CDK8: variants seen among roughly 807,000 people sequenced by gnomAD.
The protein encoded by CDK8 is cyclin-dependent kinase 8.
CDK8 carries 29 observed loss-of-function variants against 71.5 expected under a neutral mutation model. The observed-to-expected ratio is 0.41, with a 90% CI of 0.30 to 0.55. The LOEUF (loss-of-function observed/expected upper bound fraction) is 0.55. Among genes scored for constraint, CDK8 ranks in the 20% least tolerant of loss-of-function variants. The pLI, the probability that CDK8 is intolerant of heterozygous loss-of-function variation, is 0.37. For missense variants in CDK8, 288 were observed against 572.6 expected (o/e 0.50, Z 5.07); for synonymous variants, 161 against 192.1 (o/e 0.84, Z 1.34).
chr13:26,254,589 A>AGCC lies in CDK8; in HGVS notation c.-53_-52insGCC. The AGCC allele has an allele frequency of 2.8e-6, 2 of 702,976 alleles. No homozygotes were observed. The highest frequency in any genetic ancestry group is 4.4e-6 in the Non-Finnish European group (2 of 455,004). 43.5% of individuals were successfully genotyped at this position (702,976 alleles called of 1,614,324 possible). A position where few individuals can be genotyped will look rare whatever the true frequency, so the allele number is the denominator to read the frequency against. On this transcript the variant is annotated 5_prime_UTR_variant, in exon 1 of 13. Coordinates refer to ENST00000381527, the MANE Select transcript of CDK8 (RefSeq NM_001260.3). The surrounding 1 kb of genome is among the most constrained non-coding windows in gnomAD (Gnocchi z 6.7). ...GGCTGCCCGTGCTTCCCCGGTCCCC[A>AGCC]CCCCTGCCCCCCGGCCCCCCGACCC...
chr13:26,271,861 T>A (rs1872341396), intron 1 of CDK8, among the ~76,000 whole-genome samples: 1 of 128,014 alleles, frequency 7.8e-6, no homozygotes. Flanking sequence ...GACATAAAAA[T>A]TGGTATACCT....
At chr13:26,369,378 G>A (rs1455638008) in intron 4 of CDK8, among the ~76,000 whole-genome samples, 1 of 149,186 alleles carries the variant, frequency 6.7e-6, no homozygotes, top group Non-Finnish European at 1.5e-5. Flanking sequence ...GATCCCAGGA[G>A]GCTGAAGTTG....
rs1251557319 is a variant in CDK8 at position 26,353,868 on chromosome 13, G to A, written c.444G>A (p.Leu148=). 1 of 1,613,276 alleles carries A rather than the reference G, an allele frequency of 6.2e-7. No individual in the cohort carries two copies. The highest frequency in any genetic ancestry group is 1.1e-5 in the South Asian group (1 of 91,024). The change falls in exon 4 of 13, where the codon TTG becomes TTA. Residue 148 remains leucine (L), a synonymous_variant. Transcript: ENST00000381527. ...GIHYLHANWV[L]HRDLKPANIL... ...ACTACCTGCATGCTAACTGGGTGTT[G>A]CACAGAGATTTGGTAAGTTGACCTG...
At chr13:26,272,908 C>G (rs1197261691) in intron 1 of CDK8, among the ~76,000 whole-genome samples, 3 of 152,168 alleles carry the variant, frequency 2.0e-5, no homozygotes, top group Admixed American at 1.3e-4. Context: ...TGGTGCATGA[C>G]TGTATTTGGC....
chr13:26,293,160 G>A (rs1035182513), intron 1 of CDK8, among the ~76,000 whole-genome samples: 2 of 151,912 alleles, frequency 1.3e-5, no homozygotes, highest in Non-Finnish European at 2.9e-5. Flanking sequence ...TTTCAATTTT[G>A]TCTTTCAAAC....
intron 4 of CDK8, among the ~76,000 whole-genome samples, chr13:26,368,091 T>C (rs562065916): frequency 1.3e-5 from 2 of 152,340 alleles, no homozygotes; most frequent in South Asian, 4.1e-4. Flanking sequence ...TTGCTAGTTG[T>C]AGAGGTTCAC....
chr13:26,259,384 A>G (rs1462836917), intron 1 of CDK8, among the ~76,000 whole-genome samples: 2 of 152,120 alleles, frequency 1.3e-5, no homozygotes, highest in Non-Finnish European at 2.9e-5. Flanking sequence ...ATAGAGTATA[A>G]CAACTGTTTA....
At chr13:26,380,297 A>G (rs1310492564) in intron 4 of CDK8, among the ~76,000 whole-genome samples, 1 of 152,126 alleles carries the variant, frequency 6.6e-6, no homozygotes, top group Admixed American at 6.5e-5. Flanking sequence ...CTCCTGCCTC[A>G]GCCTCCTGAG....
chr13:26,372,545 A>G (rs752128228), intron 4 of CDK8, among the ~76,000 whole-genome samples: 2 of 152,198 alleles, frequency 1.3e-5, no homozygotes, highest in Admixed American at 6.5e-5. Flanking sequence ...GTTCAATTTT[A>G]TTAGTAAAGT....
At chr13:26,333,523 A>G (rs935057179) in intron 1 of CDK8, among the ~76,000 whole-genome samples, 2 of 152,186 alleles carry the variant, frequency 1.3e-5, no homozygotes, top group East Asian at 1.9e-4. Flanking sequence ...AGAGTCATGA[A>G]TGATGGTGAT....
intron 4 of CDK8, chr13:26,358,941 C>G (rs142987694): frequency 1.8e-4 from 35 of 198,770 alleles, no homozygotes; most frequent in African/African-American, 8.1e-4. Flanking sequence ...GTGGGAGGGT[C>G]ACTTGAGTCC....
At chr13:26,285,872 C>CT (rs1332728731) in intron 1 of CDK8, among the ~76,000 whole-genome samples, 1 of 151,988 alleles carries the variant, frequency 6.6e-6, no homozygotes, top group African/African-American at 2.4e-5. Context: ...AAATCAAGGA[C>CT]TAAAACCCCT....
At chr13:26,272,624 T>G (rs1222664535) in intron 1 of CDK8, among the ~76,000 whole-genome samples, 1 of 152,224 alleles carries the variant, frequency 6.6e-6, no homozygotes, top group Non-Finnish European at 1.5e-5. Flanking sequence ...ACACTCTTAA[T>G]GATAAAAACC....
At chr13:26,353,936 T>C in intron 4 of CDK8, 56 bp downstream of exon 4, 2 of 1,500,340 alleles carry the variant, frequency 1.3e-6, no homozygotes, top group East Asian at 2.3e-5. Context: ...TTGGATACTT[T>C]TCTAGTCGTC....
intron 6 of CDK8, among the ~76,000 whole-genome samples, chr13:26,385,938 A>G (rs9553801): frequency 0.41 from 62,799 of 151,918 alleles, 14,756 homozygotes; most frequent in Non-Finnish European, 0.53. Flanking sequence ...TAAAACTACA[A>G]TTTTGAAGTC....
At chr13:26,265,905 A>T (rs1871998125) in intron 1 of CDK8, among the ~76,000 whole-genome samples, 1 of 152,230 alleles carries the variant, frequency 6.6e-6, no homozygotes, top group Admixed American at 6.5e-5. Flanking sequence ...ATTGCTTGGT[A>T]ACACGATCAG....
chr13:26,385,111 C>T (rs1565994941), intron 5 of CDK8, 100 bp from the exon 6 acceptor site: 3 of 960,940 alleles, frequency 3.1e-6, no homozygotes, highest in Non-Finnish European at 4.6e-6. Context: ...TAGAATTGAG[C>T]ACATTTTTCA....
intron 2 of CDK8, among the ~76,000 whole-genome samples, chr13:26,343,507 A>G (rs1873329595): frequency 6.6e-6 from 1 of 152,150 alleles, no homozygotes; most frequent in South Asian, 2.1e-4. Flanking sequence ...TTGTCTATGG[A>G]TTCGCCCCAA....
chr13:26,331,546 C>T (rs955150526), intron 1 of CDK8, among the ~76,000 whole-genome samples: 6 of 152,132 alleles, frequency 3.9e-5, no homozygotes, highest in Admixed American at 3.9e-4. Context: ...CTAGTTTTCC[C>T]AGCATCATTT....
Sources: gnomAD v4.1 joint callset for allele counts (sites outside exome capture counted in the v4.1 genomes callset) on GRCh38, gnomAD v4.1.1 for gene constraint, Gnocchi (gnomAD v3.1) non-coding constraint, MANE v1.5 for transcripts, NCBI Gene and HGNC (gene_info 2026-07-23, HGNC 2026-07-21) for gene names.